Variants in AFF3 observed in about 807,000 individuals in gnomAD.
AFF3 encodes the protein AF4/FMR2 family member 3.
A neutral mutation model predicts 129.7 loss-of-function variants in AFF3; 32 were observed. The ratio of observed to expected loss-of-function variants is 0.25; its 90% CI spans 0.19 to 0.33. AFF3 has a LOEUF of 0.33. Among genes scored for constraint, AFF3 ranks in the 10% least tolerant of loss-of-function variants. The pLI is 1.00. For synonymous variants in AFF3, 644 were observed against 635.4 expected (o/e 1.01, Z -0.20); for missense variants, 1,373 against 1,592.0 (o/e 0.86, Z 2.34).
intron 8 of AFF3, among the ~76,000 whole-genome samples, chr2:99,754,402 A>C (rs1681920081): frequency 6.6e-6 from 1 of 152,150 alleles, no homozygotes. Context: ...CGAAGTACAA[A>C]CTAATTACTC....
chr2:99,681,732 T>A (rs1475845146), intron 11 of AFF3, among the ~76,000 whole-genome samples: 3 of 152,116 alleles, frequency 2.0e-5, no homozygotes, highest in African/African-American at 7.2e-5. Flanking sequence ...GATCTTGGAC[T>A]CCCCGTCCCC....
intron 7 of AFF3, among the ~76,000 whole-genome samples, chr2:99,944,823 G>A (rs1353590643): frequency 1.3e-5 from 2 of 152,056 alleles, no homozygotes; most frequent in African/African-American, 4.8e-5. Context: ...TCTTTTTCCA[G>A]CAAAACATAA....
rs535188510 is a variant in AFF3 at position 99,894,447 on chromosome 2, G to A, written c.874-56923C>T. On this transcript the variant is annotated intron_variant, in intron 7 of 24. Transcript: ENST00000672756. ...TTCATCAGCATTCTGGTTGTTTGACGTTTTTTCTGATCAGCGTCAGGAATT... is the reference window on the plus strand; with the variant it reads ...TTCATCAGCATTCTGGTTGTTTGACATTTTTTCTGATCAGCGTCAGGAATT... 3.0e-3 allele frequency among the ~76,000 whole-genome samples: 459 copies of A among 151,894 alleles called. 3 individuals are homozygous for A. Among genetic ancestry groups the A allele is most frequent in the African/African-American group, 0.011 (435 of 41,428 alleles).
At chr2:100,128,632 G>A (rs1692298596) in intron 2 of AFF3, among the ~76,000 whole-genome samples, 1 of 152,126 alleles carries the variant, frequency 6.6e-6, no homozygotes, top group South Asian at 2.1e-4. Context: ...TGCATGCCTA[G>A]GTCAACCCCA....
chr2:99,678,620 G>T (rs1674231509), intron 11 of AFF3, among the ~76,000 whole-genome samples: 1 of 152,106 alleles, frequency 6.6e-6, no homozygotes, highest in South Asian at 2.1e-4. Context: ...AGTTTTAATT[G>T]GGCTGTTTGA....
intron 4 of AFF3, among the ~76,000 whole-genome samples, chr2:100,072,397 G>C (rs1230327202): frequency 2.0e-5 from 3 of 152,142 alleles, no homozygotes; most frequent in Non-Finnish European, 2.9e-5. Context: ...CTCGTCCATG[G>C]AACAACTGTC....
intron 7 of AFF3, among the ~76,000 whole-genome samples, chr2:99,965,317 C>G (rs1355450065): frequency 6.6e-6 from 1 of 152,198 alleles, no homozygotes; most frequent in Non-Finnish European, 1.5e-5. Context: ...CCAACTACTT[C>G]CAGGGGAAAA....
At chr2:100,020,515 C>A (rs1219089874) in intron 4 of AFF3, among the ~76,000 whole-genome samples, 3 of 152,152 alleles carry the variant, frequency 2.0e-5, no homozygotes, top group Non-Finnish European at 2.9e-5. Context: ...TTCTCATAGA[C>A]AGCCTGCATG....
At chr2:100,084,447 C>T (rs1217224114) in intron 4 of AFF3, among the ~76,000 whole-genome samples, 3 of 152,210 alleles carry the variant, frequency 2.0e-5, no homozygotes, top group Admixed American at 6.5e-5. Flanking sequence ...CTCAGACTAT[C>T]TGGTTCACAG....
At chr2:99,855,333 G>T (rs1345499444) in intron 7 of AFF3, among the ~76,000 whole-genome samples, 2 of 152,020 alleles carry the variant, frequency 1.3e-5, no homozygotes, top group African/African-American at 4.8e-5. Context: ...GTCTTATAAA[G>T]CTGTTACAAA....
chr2:99,723,527 C>T (rs1039513115), intron 11 of AFF3, among the ~76,000 whole-genome samples: 1 of 152,184 alleles, frequency 6.6e-6, no homozygotes, highest in Non-Finnish European at 1.5e-5. Context: ...TCCCAGTGCC[C>T]CATGCTTGCT....
At chr2:99,715,845 T>G (rs1377014008) in intron 11 of AFF3, among the ~76,000 whole-genome samples, 3 of 152,056 alleles carry the variant, frequency 2.0e-5, no homozygotes, top group Non-Finnish European at 4.4e-5. Context: ...CTAATTTTTT[T>G]GTATTTTTAG....
At chr2:99,950,986 G>A (rs1676111563) in intron 7 of AFF3, among the ~76,000 whole-genome samples, 1 of 152,158 alleles carries the variant, frequency 6.6e-6, no homozygotes, top group Non-Finnish European at 1.5e-5. Flanking sequence ...ACAAGGGGCT[G>A]CATAATATGA....
chr2:99,813,979 C>T (rs1313408112), intron 8 of AFF3, among the ~76,000 whole-genome samples: 1 of 152,092 alleles, frequency 6.6e-6, no homozygotes, highest in Non-Finnish European at 1.5e-5. Context: ...ATGCCAAATA[C>T]TCAAAGAAGG....
chr2:99,931,495 A>G (rs1381895939), intron 7 of AFF3, among the ~76,000 whole-genome samples: 1 of 152,246 alleles, frequency 6.6e-6, no homozygotes, highest in Non-Finnish European at 1.5e-5. Context: ...CCTGGTGTTG[A>G]GGTGTTGGAA....
intron 11 of AFF3, among the ~76,000 whole-genome samples, chr2:99,708,375 G>A (rs1057490794): frequency 6.6e-6 from 1 of 152,030 alleles, no homozygotes; most frequent in African/African-American, 2.4e-5. Context: ...CCAGTAAGTT[G>A]TACTAAAAGC....
In AFF3 at chr2:99,627,198, T is replaced by G. The variant is rs374038446; in HGVS notation, c.1184+22428A>C. 2.1e-3 allele frequency among the ~76,000 whole-genome samples: 315 copies of G among 152,272 alleles called. 1 individual carries two copies. The highest frequency in any genetic ancestry group is 7.3e-3 in the African/African-American group (302 of 41,574). ...ATAAAATTTACATTCCCACCAACAG[T>G]GTATAACGTTCCTTTTTCTCCACAA... On this transcript the variant is annotated intron_variant, in intron 13 of 24. Transcript: ENST00000672756.
In AFF3 at chr2:99,908,993, A is replaced by G. The variant is rs555800734; in HGVS notation, c.874-71469T>C. 6.6e-5 allele frequency among the ~76,000 whole-genome samples: 10 copies of G among 152,276 alleles called. No individual in the cohort carries two copies. The South Asian group carries it at 2.1e-3, about 32-fold the overall frequency. On this transcript the variant is annotated intron_variant, in intron 7 of 24. Coordinates refer to ENST00000672756, the MANE Select transcript of AFF3 (RefSeq NM_001386135.1). ...CCAGCCATCCCATTACTGGGTATATACCCAAAGGATTATAAATCATGCTGC... is the reference window on the plus strand; with the variant it reads ...CCAGCCATCCCATTACTGGGTATATGCCCAAAGGATTATAAATCATGCTGC...
chr2:99,620,496 G>A (rs776700322), intron 13 of AFF3, among the ~76,000 whole-genome samples: 1 of 152,056 alleles, frequency 6.6e-6, no homozygotes, highest in Non-Finnish European at 1.5e-5. Context: ...AGGGGTGGTG[G>A]TGCACACCTG....
Sources: allele counts gnomAD v4.1 joint callset (sites outside exome capture counted in the v4.1 genomes callset), GRCh38; gene constraint gnomAD v4.1.1; transcripts MANE v1.5; gene names NCBI Gene and HGNC (gene_info 2026-07-23, HGNC 2026-07-21).